The following PDXDC1 variants were observed in gnomAD, a reference collection of about 807,000 sequenced individuals.
The protein encoded by PDXDC1 is pyridoxal-dependent decarboxylase domain-containing protein 1.
A neutral mutation model predicts 100.1 loss-of-function variants in PDXDC1; 42 were observed. The ratio of observed to expected loss-of-function variants is 0.42; its 90% CI spans 0.33 to 0.54. The LOEUF is 0.54. Among genes scored for constraint, PDXDC1 ranks in the 20% least tolerant of loss-of-function variants. The probability of loss-of-function intolerance (pLI) is 0.10; values close to 1 mark genes in which losing one functional copy is unlikely to be tolerated. For missense variants in PDXDC1, 636 were observed against 979.2 expected (o/e 0.65, Z 4.68); for synonymous variants, 260 against 371.7 (o/e 0.70, Z 3.46).
At chr16:15,035,428 C>T (rs950577526) in intron 21 of PDXDC1, 21 bp from the exon 22 acceptor site, 13 of 1,505,084 alleles carry the variant, frequency 8.6e-6, no homozygotes, top group Admixed American at 3.6e-5. Context: ...AGCTTCTACC[C>T]AGCCCTCTCC....
chr16:15,140,447 CAAAAAAAA>C (rs888007915), downstream of PDXDC1, among the ~76,000 whole-genome samples: 1 of 39,080 alleles, frequency 2.6e-5, no homozygotes, highest in Non-Finnish European at 5.5e-5. Flanking sequence ...AGCTCCATCT[CAAAAAAAA>C]AAAAAAAAAA....
chr16:15,117,474 T>C (rs1469869619), intron 16 of PDXDC1, among the ~76,000 whole-genome samples: 8 of 150,176 alleles, frequency 5.3e-5, no homozygotes, highest in African/African-American at 9.8e-5. Flanking sequence ...CTGGCGAACA[T>C]GGTGAAACCC....
chr16:15,014,407 A>C (rs1305852836), intron 8 of PDXDC1, among the ~76,000 whole-genome samples: 1 of 152,230 alleles, frequency 6.6e-6, no homozygotes, highest in African/African-American at 2.4e-5. Context: ...CAGCAGACAC[A>C]TGTCAAGGGT....
At chr16:15,121,855 T>C (rs1385861092) in intron 16 of PDXDC1, 4 of 198,364 alleles carry the variant, frequency 2.0e-5, no homozygotes, top group East Asian at 1.8e-4. Flanking sequence ...CTTAAGGTTA[T>C]ATATTTTGGC....
At chr16:15,044,344 ATGAG>A (rs770970170) in intron 16 of PDXDC1, 2 of 1,609,166 alleles carry the variant, frequency 1.2e-6, no homozygotes, top group Non-Finnish European at 1.7e-6. Flanking sequence ...TAAGAAGTTG[ATGAG>A]TGAGTTTTTG....
At chr16:15,029,365 C>T (rs2042882599) in intron 15 of PDXDC1, 1 of 492,444 alleles carries the variant, frequency 2.0e-6, no homozygotes, top group African/African-American at 1.9e-5. Context: ...CACTGAATAG[C>T]AGCTCTAGGA....
Position 15,070,294 on chromosome 16 carries a change from A to T in PDXDC1, c.1399+40238A>T, listed in dbSNP as rs768421804. 1.3e-4 allele frequency: 205 copies of T among 1,606,154 alleles called. 4 individuals are homozygous for T. In the East Asian group the frequency reaches 4.5e-3, roughly 35 times the overall value. ...AATTCAAGTCAACTTTACACATCAT[A>T]AAAAAACCAGAATAACATAAAAACA... On this transcript the variant is annotated intron_variant, in intron 16 of 16. Coordinates refer to the PDXDC1 transcript ENST00000535621.
chr16:15,094,079 C>T lies in PDXDC1; in HGVS notation c.1400-44800C>T, dbSNP rs115779043. On this transcript the variant is annotated intron_variant, in intron 16 of 16. Coordinates refer to the PDXDC1 transcript ENST00000535621. Reference sequence around the variant, plus strand: ...AGCTTTGTCCCACATCCTTTCAATCCGCTCCTCTAAGCGCCGTCCTGAGCT... The same window carrying T: ...AGCTTTGTCCCACATCCTTTCAATCTGCTCCTCTAAGCGCCGTCCTGAGCT... 1.6e-3 allele frequency: 2,236 copies of T among 1,400,310 alleles called. 44 individuals are homozygous for T. The African/African-American group carries it at 0.028, about 17-fold the overall frequency. 86.7% of individuals were successfully genotyped at this position (1,400,310 alleles called of 1,614,324 possible). A position where few individuals can be genotyped will look rare whatever the true frequency, so the allele number is the denominator to read the frequency against.
chr16:15,009,557 CA>C (rs1225601062), intron 7 of PDXDC1, 123 bp from the exon 8 acceptor site: 2 of 1,393,032 alleles, frequency 1.4e-6, no homozygotes, highest in Non-Finnish European at 1.9e-6. Context: ...GAAAAATTGT[CA>C]AGAGTAAGAA....
chr16:15,074,653 G>T, intron 16 of PDXDC1: 2 of 1,151,118 alleles, frequency 1.7e-6, no homozygotes, highest in Non-Finnish European at 1.2e-6. Flanking sequence ...AGAGATAATG[G>T]ATGGAAAATG....
chr16:15,019,864 G>A (rs1483415518), intron 12 of PDXDC1, among the ~76,000 whole-genome samples: 2 of 152,284 alleles, frequency 1.3e-5, no homozygotes, highest in African/African-American at 4.8e-5. Context: ...TGTAATTCCA[G>A]CACTTTGGGA....
chr16:15,021,007 C>CACACACACACAG, intron 12 of PDXDC1, among the ~76,000 whole-genome samples: 1 of 152,236 alleles, frequency 6.6e-6, no homozygotes, highest in Non-Finnish European at 1.5e-5. Flanking sequence ...CACACACACA[C>CACACACACACAG]ACACGAAAAG....
intron 16 of PDXDC1, among the ~76,000 whole-genome samples, chr16:15,101,468 TACCATGCCC>T (rs1341998994): frequency 1.3e-5 from 2 of 151,858 alleles, no homozygotes; most frequent in Non-Finnish European, 2.9e-5. Context: ...AGGTGTGCAC[TACCATGCCC>T]AGCTGTTTTT....
chr16:15,125,554 T>C, intron 16 of PDXDC1: 1 of 1,576,108 alleles, frequency 6.3e-7, no homozygotes, highest in Non-Finnish European at 8.7e-7. Flanking sequence ...AACCCACCTC[T>C]TAGAATCATC....
intron 16 of PDXDC1, among the ~76,000 whole-genome samples, chr16:15,072,360 G>A (rs978921929): frequency 4.6e-5 from 7 of 152,100 alleles, no homozygotes; most frequent in Admixed American, 3.9e-4. Context: ...AAGAATAAAG[G>A]AAATACAGTT....
chr16:15,130,941 C>T (rs1450544712), intron 16 of PDXDC1: 8 of 718,152 alleles, frequency 1.1e-5, no homozygotes, highest in South Asian at 1.6e-5. Flanking sequence ...TCTCCGTGGC[C>T]CCCAGCTCCT....
chr16:15,133,090 G>C (rs1047301457), intron 16 of PDXDC1: 7 of 618,424 alleles, frequency 1.1e-5, no homozygotes, highest in African/African-American at 7.4e-5. Context: ...ACGCCGGAGA[G>C]GGCCCGGTGG....
At chr16:15,064,942 G>A (rs1283328371) in intron 16 of PDXDC1, among the ~76,000 whole-genome samples, 19 of 152,142 alleles carry the variant, frequency 1.2e-4, no homozygotes, top group Non-Finnish European at 2.1e-4. Context: ...CGAGGCGGGC[G>A]GATCACGAGG....
At chr16:15,129,299 G>T (rs1048904907) in intron 16 of PDXDC1, among the ~76,000 whole-genome samples, 1 of 151,238 alleles carries the variant, frequency 6.6e-6, no homozygotes, top group Non-Finnish European at 1.5e-5. Context: ...TTAACTGGGT[G>T]TGGTGGCGTG....
Sources: gnomAD v4.1 joint callset for allele counts (sites outside exome capture counted in the v4.1 genomes callset) on GRCh38, gnomAD v4.1.1 for gene constraint, MANE v1.5 for transcripts, NCBI Gene and HGNC (gene_info 2026-07-23, HGNC 2026-07-21) for gene names.